The following RGS6 variants were observed in gnomAD, a reference collection of about 807,000 sequenced individuals.
RGS6 encodes regulator of G protein signaling 6, also known as regulator of G-protein signaling 6.
A neutral mutation model predicts 78.5 loss-of-function variants in RGS6; 30 were observed. That is an observed-to-expected ratio of 0.38 (90% CI 0.29 to 0.52). The LOEUF (loss-of-function observed/expected upper bound fraction) is 0.52. Among genes scored for constraint, RGS6 ranks in the 20% least tolerant of loss-of-function variants. The probability of loss-of-function intolerance (pLI) is 0.85; values close to 1 mark genes in which losing one functional copy is unlikely to be tolerated. For synonymous variants in RGS6, 206 were observed against 206.0 expected, an observed-to-expected ratio of 1.00 and a Z score of 0.00; for missense variants, 495 against 609.7, an observed-to-expected ratio of 0.81 and a Z score of 1.98.
chr14:72,619,182 T>C, the RGS6 span: 1 of 1,065,056 alleles, frequency 9.4e-7, no homozygotes, highest in South Asian at 1.6e-5. Context: ...TCTGGGACTA[T>C]TTCTTTTCCT....
chr14:71,950,244 G>A (rs945819075), intron 1 of RGS6, among the ~76,000 whole-genome samples: 3 of 152,118 alleles, frequency 2.0e-5, no homozygotes, highest in African/African-American at 7.2e-5. Context: ...ATAGACCAAT[G>A]GAACAGAATA....
intron 2 of RGS6, among the ~76,000 whole-genome samples, chr14:72,308,752 G>T (rs1325321621): frequency 6.6e-6 from 1 of 152,074 alleles, no homozygotes; most frequent in Non-Finnish European, 1.5e-5. Flanking sequence ...TTCCTATTTG[G>T]CACTAGCCAA....
chr14:72,206,689 A>G (rs561660438), intron 2 of RGS6, among the ~76,000 whole-genome samples: 2 of 152,304 alleles, frequency 1.3e-5, no homozygotes, highest in Admixed American at 6.5e-5. Flanking sequence ...TTTTAAAACC[A>G]TTAGATCTCA....
chr14:72,001,893 A>ATTTTTTTTT (rs1566994305), intron 2 of RGS6, among the ~76,000 whole-genome samples: 5 of 100,448 alleles, frequency 5.0e-5, no homozygotes, highest in African/African-American at 1.6e-4. Flanking sequence ...ACATCCATTA[A>ATTTTTTTTT]TCTTTTTTTT....
intron 3 of RGS6, among the ~76,000 whole-genome samples, chr14:72,360,573 G>C (rs1161323205): frequency 4.0e-5 from 6 of 151,250 alleles, no homozygotes; most frequent in Non-Finnish European, 7.4e-5. Flanking sequence ...CATAATAGAT[G>C]CACAGAGGTA....
At chr14:72,239,935 CA>C (rs1361721856) in intron 2 of RGS6, among the ~76,000 whole-genome samples, 1 of 152,216 alleles carries the variant, frequency 6.6e-6, no homozygotes, top group Non-Finnish European at 1.5e-5. Context: ...TGGGATCTTT[CA>C]AATGCTCACT....
chr14:72,545,996 G>T (rs1043621818), intron 17 of RGS6, among the ~76,000 whole-genome samples: 2 of 152,182 alleles, frequency 1.3e-5, no homozygotes, highest in African/African-American at 4.8e-5. Flanking sequence ...GCACTGTGGG[G>T]TCCCAGGGGC....
At chr14:72,554,347 A>G (rs1430552885) in intron 17 of RGS6, among the ~76,000 whole-genome samples, 1 of 152,246 alleles carries the variant, frequency 6.6e-6, no homozygotes, top group African/African-American at 2.4e-5. Context: ...CATACTGCCA[A>G]CCAAATAACT....
At chr14:72,168,349 A>G (rs2096958611) in intron 2 of RGS6, among the ~76,000 whole-genome samples, 1 of 152,100 alleles carries the variant, frequency 6.6e-6, no homozygotes, top group Non-Finnish European at 1.5e-5. Flanking sequence ...AGGCTCCTTC[A>G]GGCCCTGAGA....
chr14:72,104,854 T>A (rs1194568021), intron 2 of RGS6, among the ~76,000 whole-genome samples: 1 of 152,196 alleles, frequency 6.6e-6, no homozygotes, highest in East Asian at 1.9e-4. Flanking sequence ...CAGAATTCTG[T>A]GTTTTAAATA....
At chr14:72,307,367 T>C (rs1273637826) in intron 2 of RGS6, among the ~76,000 whole-genome samples, 1 of 152,186 alleles carries the variant, frequency 6.6e-6, no homozygotes, top group Non-Finnish European at 1.5e-5. Flanking sequence ...GAGGTATGCC[T>C]ATAGTTGCAT....
intron 1 of RGS6, among the ~76,000 whole-genome samples, chr14:71,946,086 C>T (rs536236603): frequency 6.6e-6 from 1 of 152,044 alleles, no homozygotes; most frequent in Non-Finnish European, 1.5e-5. Context: ...ATAGAAAGGA[C>T]GCATTCACAA....
intron 14 of RGS6, among the ~76,000 whole-genome samples, chr14:72,517,171 T>C (rs1439692399): frequency 2.0e-5 from 3 of 151,958 alleles, no homozygotes; most frequent in Non-Finnish European, 4.4e-5. Flanking sequence ...ACATCTTACT[T>C]TGGATGAAAT....
Position 72,420,110 on chromosome 14 carries a change from T to A in RGS6, c.185-34418T>A, listed in dbSNP as rs143387211. 1.6e-3 allele frequency among the ~76,000 whole-genome samples: 237 copies of A among 152,314 alleles called. 2 individuals are homozygous for A. The highest frequency in any genetic ancestry group is 5.4e-3 in the African/African-American group (223 of 41,558). ...GAAAGAATTTGGATATGTGACTCAC[T>A]CAGTGTACCAAGTTCGTGGCAGAAG... On this transcript the variant is annotated intron_variant, in intron 3 of 17. Coordinates refer to ENST00000553525, the MANE Select transcript of RGS6 (RefSeq NM_001204424.2).
the RGS6 span, among the ~76,000 whole-genome samples, chr14:71,924,906 A>G: frequency 6.6e-6 from 1 of 152,228 alleles, no homozygotes; most frequent in Non-Finnish European, 1.5e-5. Flanking sequence ...TCTCTTCAGC[A>G]TCATGGATTT....
chr14:72,323,122 A>G (rs979553404), intron 2 of RGS6, among the ~76,000 whole-genome samples: 1 of 152,160 alleles, frequency 6.6e-6, no homozygotes, highest in Non-Finnish European at 1.5e-5. Context: ...AGATGATATG[A>G]TTATGTACTG....
chr14:71,974,701 T>A (rs562326539), intron 2 of RGS6, among the ~76,000 whole-genome samples: 193 of 152,326 alleles, frequency 1.3e-3, no homozygotes, highest in Non-Finnish European at 2.2e-3. Context: ...TTGTTAAATA[T>A]GATGGTTATG....
the RGS6 span, among the ~76,000 whole-genome samples, chr14:72,602,746 T>C: frequency 6.6e-6 from 1 of 152,212 alleles, no homozygotes; most frequent in Admixed American, 6.5e-5. Context: ...ATTAAAAGCA[T>C]ACAGGAGTGC....
At chr14:72,222,067 A>T (rs994458467) in intron 2 of RGS6, among the ~76,000 whole-genome samples, 1 of 152,260 alleles carries the variant, frequency 6.6e-6, no homozygotes, top group Admixed American at 6.5e-5. Flanking sequence ...CATGTAATTT[A>T]TAAGAGGGAT....
Sources: gnomAD v4.1 joint callset for allele counts (sites outside exome capture counted in the v4.1 genomes callset) on GRCh38, gnomAD v4.1.1 for gene constraint, MANE v1.5 for transcripts, NCBI Gene and HGNC (gene_info 2026-07-23, HGNC 2026-07-21) for gene names.